The following DNAJC12 variants were observed in gnomAD, a reference collection of about 807,000 sequenced individuals.
The protein encoded by DNAJC12 is dnaJ homolog subfamily C member 12.
Under a neutral mutation model 28.5 loss-of-function variants are expected in DNAJC12, and 25 were observed. The ratio of observed to expected loss-of-function variants is 0.88; its 90% CI spans 0.64 to 1.22. The LOEUF (loss-of-function observed/expected upper bound fraction) is 1.22, where lower values mean the gene tolerates loss of function less well. DNAJC12 is among the 50% of genes most tolerant of loss of function. DNAJC12 has a pLI of 0.00. For synonymous variants in DNAJC12, 77 were observed against 80.6 expected (o/e 0.95, Z 0.24); for missense variants, 222 against 231.7 (o/e 0.96, Z 0.27).
In DNAJC12 at chr10:67,811,659, C is replaced by T. The variant is rs138895014; in HGVS notation, c.162G>A (p.Glu54=). The T allele has an allele frequency of 1.4e-4, 229 of 1,611,776 alleles. 1 individual carries two copies. The highest frequency in any genetic ancestry group is 5.1e-5 in the Non-Finnish European group (60 of 1,179,068). The change falls in exon 3 of 5, where the codon GAG becomes GAA. Residue 54 remains glutamate, a synonymous_variant. Coordinates refer to ENST00000225171, the MANE Select transcript of DNAJC12 (RefSeq NM_021800.3). ...DKHPENPKAV[E]TFQKLQKAKE... ...TTGCCTTCTGCAGTTTCTGAAAAGT[C>T]TCCACTGGAAAACAAATCAAGAAAT...
At chr10:67,801,836 CTTTTTTTTTTTTTTTTTTTTTTTTTT>C (rs577511924) in intron 4 of DNAJC12, among the ~76,000 whole-genome samples, 62 of 26,148 alleles carry the variant, frequency 2.4e-3, no homozygotes, top group Non-Finnish European at 4.0e-3. Context: ...CCACTTCATT[CTTTTTTTTTTTTTTTTTTTTTTTTTT>C]TTTTTTTTTG....
chr10:67,803,499 C>G (rs1308571514), intron 4 of DNAJC12, among the ~76,000 whole-genome samples: 2 of 152,194 alleles, frequency 1.3e-5, no homozygotes, highest in Non-Finnish European at 2.9e-5. Flanking sequence ...TTTTTAACAG[C>G]AAGTCTATAC....
chr10:67,836,896 T>TAAATA (rs1454140214), intron 1 of DNAJC12, among the ~76,000 whole-genome samples: 3 of 149,514 alleles, frequency 2.0e-5, no homozygotes, highest in Non-Finnish European at 4.5e-5. Flanking sequence ...TTAATAAAAA[T>TAAATA]AAATAAAATA....
chr10:67,831,044 C>G (rs552190075), intron 1 of DNAJC12, among the ~76,000 whole-genome samples: 6 of 151,966 alleles, frequency 3.9e-5, no homozygotes, highest in Admixed American at 6.6e-5. Context: ...AAAAATTAGC[C>G]GGGTGTGGTA....
chr10:67,816,176 GA>G, intron 2 of DNAJC12: 1 of 397,700 alleles, frequency 2.5e-6, no homozygotes, highest in Non-Finnish European at 4.4e-6. Flanking sequence ...TTTTGCAATA[GA>G]ATTTGTATTA....
intron 1 of DNAJC12, among the ~76,000 whole-genome samples, chr10:67,829,143 C>T (rs1842066333): frequency 6.6e-6 from 1 of 152,186 alleles, no homozygotes; most frequent in South Asian, 2.1e-4. Context: ...AAAGCAGACT[C>T]GGGCGGGGTA....
chr10:67,834,550 C>T (rs1449178016), intron 1 of DNAJC12, among the ~76,000 whole-genome samples: 3 of 152,160 alleles, frequency 2.0e-5, no homozygotes, highest in African/African-American at 4.8e-5. Context: ...GAATAGAGGC[C>T]GGGCGCGGTG....
At chr10:67,821,793 G>A (rs1444397998) in intron 2 of DNAJC12, among the ~76,000 whole-genome samples, 2 of 152,182 alleles carry the variant, frequency 1.3e-5, no homozygotes, top group Non-Finnish European at 2.9e-5. Flanking sequence ...GAAGCGAGGA[G>A]GACACAGTAG....
chr10:67,818,325 A>G (rs1457558332), intron 2 of DNAJC12, among the ~76,000 whole-genome samples: 1 of 152,214 alleles, frequency 6.6e-6, no homozygotes, highest in African/African-American at 2.4e-5. Flanking sequence ...TAAATAGATT[A>G]AAAAACAACC....
At position 67,797,851 on chromosome 10, in the gene DNAJC12, T is replaced by C. The variant is rs538105980; in HGVS notation, c.503-641A>G. On this transcript the variant is annotated intron_variant, in intron 4 of 4. Transcript: ENST00000225171. ...GTCAGGAGATCAAGACCATCCTGGC[T>C]AACACGGTGAAACCCCGTCTCTACT... is the stretch of plus-strand genomic sequence containing the variant. 2.5e-4 allele frequency among the ~76,000 whole-genome samples: 38 copies of C among 151,988 alleles called. No individual in the cohort carries two copies. In the South Asian group the frequency reaches 6.4e-3, roughly 26 times the overall value.
intron 4 of DNAJC12, among the ~76,000 whole-genome samples, chr10:67,799,215 T>C (rs778973534): frequency 6.6e-6 from 1 of 152,192 alleles, no homozygotes; most frequent in Non-Finnish European, 1.5e-5. Context: ...CCATTGATAT[T>C]TTAATATAGT....
At chr10:67,827,338 G>A (rs1298310908) in intron 1 of DNAJC12, among the ~76,000 whole-genome samples, 1 of 149,440 alleles carries the variant, frequency 6.7e-6, no homozygotes, top group African/African-American at 2.5e-5. Flanking sequence ...AGTGAGCCAA[G>A]ATTTTGACAC....
chr10:67,820,147 G>A (rs1200389079), intron 2 of DNAJC12, among the ~76,000 whole-genome samples: 1 of 152,168 alleles, frequency 6.6e-6, no homozygotes, highest in Non-Finnish European at 1.5e-5. Context: ...CAAGCATAGA[G>A]GGCTGGAGTG....
intron 4 of DNAJC12, among the ~76,000 whole-genome samples, chr10:67,799,125 C>T (rs1162276585): frequency 6.6e-6 from 1 of 152,098 alleles, no homozygotes; most frequent in Non-Finnish European, 1.5e-5. Flanking sequence ...CTGCAATAAA[C>T]ATCTATGCTT....
At chr10:67,800,156 A>G (rs189368942) in intron 4 of DNAJC12, among the ~76,000 whole-genome samples, 241 of 139,840 alleles carry the variant, frequency 1.7e-3, no homozygotes, top group African/African-American at 6.3e-3. Context: ...TAGGAGGTCG[A>G]GGCTGCAGTG....
intron 3 of DNAJC12, among the ~76,000 whole-genome samples, chr10:67,810,188 C>T (rs1195261926): frequency 2.0e-5 from 3 of 152,036 alleles, no homozygotes; most frequent in African/African-American, 7.2e-5. Flanking sequence ...CTGCCACATA[C>T]TTTTAAACCA....
At position 67,838,093 on chromosome 10, in the gene DNAJC12, T is replaced by C; in HGVS notation, c.-82A>G. 1.1e-6 allele frequency: 1 copy of C among 936,082 alleles called. No homozygotes were observed. The highest frequency in any genetic ancestry group is 1.7e-6 in the Non-Finnish European group (1 of 601,194). 58.0% of individuals were successfully genotyped at this position (936,082 alleles called of 1,614,324 possible). A position where few individuals can be genotyped will look rare whatever the true frequency, so the allele number is the denominator to read the frequency against. On this transcript the variant is annotated 5_prime_UTR_variant, in exon 1 of 5. Transcript: ENST00000225171. ...AATTAACAGGAAGAAACTCTTTAAA[T>C]CTGAATTAGAGCAGCATGTTCCACA...
intron 2 of DNAJC12, among the ~76,000 whole-genome samples, chr10:67,813,038 A>G (rs1012875954): frequency 3.9e-5 from 6 of 151,948 alleles, no homozygotes; most frequent in Middle Eastern, 3.4e-3. Context: ...AACAAACAAA[A>G]ATTCATATGT....
chr10:67,813,526 G>C (rs1841883000), intron 2 of DNAJC12, among the ~76,000 whole-genome samples: 1 of 151,508 alleles, frequency 6.6e-6, no homozygotes, highest in African/African-American at 2.4e-5. Context: ...GAAGTGGGCG[G>C]ATCACGAGGT....
Sources: allele counts gnomAD v4.1 joint callset (sites outside exome capture counted in the v4.1 genomes callset), GRCh38; gene constraint gnomAD v4.1.1; transcripts MANE v1.5; gene names NCBI Gene and HGNC (gene_info 2026-07-23, HGNC 2026-07-21).